Variants in USP43 observed in about 807,000 individuals in gnomAD.
The protein encoded by USP43 is ubiquitin carboxyl-terminal hydrolase 43.
In USP43, 33 loss-of-function variants were observed where a neutral mutation model predicts 90.7. That is an observed-to-expected ratio of 0.36 (90% CI 0.28 to 0.49). The LOEUF (loss-of-function observed/expected upper bound fraction) is 0.49. Among genes scored for constraint, USP43 ranks in the 20% least tolerant of loss-of-function variants. The pLI is 0.98. For synonymous variants in USP43, 598 were observed against 615.8 expected (o/e 0.97, Z 0.43); for missense variants, 1,274 against 1,476.4 (o/e 0.86, Z 2.25).
intron 8 of USP43, among the ~76,000 whole-genome samples, chr17:9,691,413 G>T (rs1039734871): frequency 6.6e-6 from 1 of 152,010 alleles, no homozygotes; most frequent in African/African-American, 2.4e-5. Flanking sequence ...CCACCGCGCT[G>T]GGCTGCCTTC....
chr17:9,688,020 C>A (rs951874020), intron 8 of USP43, among the ~76,000 whole-genome samples: 1 of 152,238 alleles, frequency 6.6e-6, no homozygotes, highest in Middle Eastern at 3.2e-3. Flanking sequence ...GAGTCTCACT[C>A]TGTCGCCCAG....
intron 4 of USP43, among the ~76,000 whole-genome samples, chr17:9,676,111 A>C (rs980544738): frequency 6.6e-6 from 1 of 152,192 alleles, no homozygotes; most frequent in Non-Finnish European, 1.5e-5. Context: ...GTTGATTTGT[A>C]CTGAAAAAAA....
At chr17:9,693,358 C>A in intron 9 of USP43, 128 bp downstream of exon 9, 1 of 759,622 alleles carries the variant, frequency 1.3e-6, no homozygotes, top group Non-Finnish European at 2.2e-6. Context: ...CTCTCCAGTA[C>A]CAGCCGCTAT....
intron 9 of USP43, among the ~76,000 whole-genome samples, chr17:9,697,409 G>A (rs908457807): frequency 5.9e-5 from 9 of 151,632 alleles, no homozygotes; most frequent in African/African-American, 1.9e-4. Context: ...ACTGGAGTTT[G>A]CATTTCTATA....
intron 1 of USP43, among the ~76,000 whole-genome samples, chr17:9,646,511 G>C (rs1254390515): frequency 6.6e-6 from 1 of 152,120 alleles, no homozygotes; most frequent in Non-Finnish European, 1.5e-5. Context: ...TGAAGGCCAA[G>C]GCCTCAGAGG....
chr17:9,703,866 G>C (rs1467122098), intron 12 of USP43, among the ~76,000 whole-genome samples: 1 of 152,200 alleles, frequency 6.6e-6, no homozygotes, highest in East Asian at 1.9e-4. Context: ...AAGCCATGTA[G>C]GGTATTGTAG....
Position 9,697,613 on chromosome 17 carries a change from C to T in USP43, c.1458-2559C>T, listed in dbSNP as rs542131147. Among the ~76,000 whole-genome samples the T allele has an allele frequency of 9.2e-5, 14 of 151,410 alleles. No individual in the cohort carries two copies. In the South Asian group the frequency reaches 2.9e-3, roughly 32 times the overall value. ...GATTTTCTGTTTCTGCATTCATTCA[C>T]TTAGGATAATGGCCTCCATTTTCAT... On this transcript the variant is annotated intron_variant, in intron 9 of 14. Transcript: ENST00000285199.
chr17:9,681,503 T>TATATATATATATA (rs1914285610), intron 6 of USP43, among the ~76,000 whole-genome samples: 1 of 105,636 alleles, frequency 9.5e-6, no homozygotes, highest in Non-Finnish European at 2.0e-5. Flanking sequence ...TATATATATA[T>TATATATATATATA]ATATATTTGA....
intron 9 of USP43, among the ~76,000 whole-genome samples, chr17:9,698,819 G>T (rs1296771281): frequency 1.3e-5 from 2 of 152,202 alleles, no homozygotes; most frequent in Non-Finnish European, 2.9e-5. Flanking sequence ...TAAATTTTAG[G>T]TTTATTCATA....
chr17:9,685,114 C>T (rs1051716030), intron 7 of USP43, among the ~76,000 whole-genome samples: 5 of 152,154 alleles, frequency 3.3e-5, no homozygotes, highest in African/African-American at 7.2e-5. Flanking sequence ...TTAAGTAAAC[C>T]GATCTGTCCA....
chr17:9,704,128 G>A (rs377590476), intron 12 of USP43, among the ~76,000 whole-genome samples: 5 of 152,168 alleles, frequency 3.3e-5, no homozygotes, highest in Non-Finnish European at 5.9e-5. Flanking sequence ...CCTTTGTCTA[G>A]GATAGGATAT....
chr17:9,710,418 T>C (rs9900920), intron 13 of USP43, among the ~76,000 whole-genome samples: 44,638 of 150,954 alleles, frequency 0.3, 7,374 homozygotes, highest in African/African-American at 0.46. Context: ...TTTTTTGAGG[T>C]GTATGTAATG....
chr17:9,691,804 T>A (rs1914969923), intron 8 of USP43, among the ~76,000 whole-genome samples: 1 of 151,918 alleles, frequency 6.6e-6, no homozygotes. Context: ...ATCCCAGCAC[T>A]TTGGGAGGCC....
chr17:9,656,064 C>T (rs112251430), intron 1 of USP43, among the ~76,000 whole-genome samples: 408 of 152,262 alleles, frequency 2.7e-3, no homozygotes, highest in African/African-American at 9.4e-3. Context: ...CATACCCCAG[C>T]AGTCACAGGA....
rs1911337945 is a variant in USP43, at chr17:9,645,755, C to T, written c.123C>T (p.Pro41=). The T allele has an allele frequency of 1.4e-6, 2 of 1,397,168 alleles. No individual in the cohort carries two copies. Among genetic ancestry groups the T allele is most frequent in the Non-Finnish European group, 1.8e-6 (2 of 1,083,322 alleles). The allele number at this position is 1,397,168 out of a possible 1,614,324, so 86.5% of individuals were successfully genotyped here. Residue 41 remains proline (P), a synonymous_variant, in exon 1 of 15, where the codon CCC becomes CCT. Coordinates refer to ENST00000285199, the MANE Select transcript of USP43 (RefSeq NM_153210.5). The surrounding 1 kb of genome is among the most constrained non-coding windows in gnomAD (Gnocchi z 6.8). The part of the protein sequence containing the change: ...FLLALGSRSR[P]GDSPPRPQPG... ...TGGCGCTGGGCAGCCGCTCACGCCCCGGGGACTCACCGCCCCGGCCCCAGC... is the reference window on the plus strand; with the variant it reads ...TGGCGCTGGGCAGCCGCTCACGCCCTGGGGACTCACCGCCCCGGCCCCAGC...
chr17:9,727,914 A>G, intron 14 of USP43, 40 bp from the exon 15 acceptor site: 1 of 1,558,866 alleles, frequency 6.4e-7, no homozygotes, highest in Middle Eastern at 1.7e-4. Context: ...TTTCAGCTGT[A>G]GGGTGGCTTG....
intron 8 of USP43, among the ~76,000 whole-genome samples, chr17:9,688,222 C>G (rs980420232): frequency 6.6e-6 from 1 of 150,874 alleles, no homozygotes; most frequent in African/African-American, 2.4e-5. Flanking sequence ...CTCTTGACCT[C>G]GTGATCCACT....
Position 9,721,772 on chromosome 17 carries a change from G to A in USP43, c.2336-6182G>A, listed in dbSNP as rs146859007. Among the ~76,000 whole-genome samples, 1,207 of 147,632 alleles carry A rather than the reference G, an allele frequency of 8.2e-3. 17 individuals carry two copies. The highest frequency in any genetic ancestry group is 0.029 in the African/African-American group (1,141 of 39,900). On this transcript the variant is annotated intron_variant, in intron 14 of 14. Transcript: ENST00000285199. ...GAGTTTCGCTCTTGTTGCCCAGGCT[G>A]GAGTGCAATGGTGTGATCTCGGCTC...
chr17:9,700,040 G>T, intron 9 of USP43, 132 bp from the exon 10 acceptor site: 1 of 842,938 alleles, frequency 1.2e-6, no homozygotes, highest in Non-Finnish European at 1.8e-6. Flanking sequence ...AGCTGACCTT[G>T]GCTTACTGGC....
Sources: allele counts gnomAD v4.1 joint callset (sites outside exome capture counted in the v4.1 genomes callset), GRCh38; gene constraint gnomAD v4.1.1; non-coding constraint Gnocchi (gnomAD v3.1); transcripts MANE v1.5; gene names NCBI Gene and HGNC (gene_info 2026-07-23, HGNC 2026-07-21).